SLF1: variants seen among roughly 807,000 people sequenced by gnomAD.
The protein encoded by SLF1 is SMC5-SMC6 complex localization factor protein 1.
Under a neutral mutation model 123.0 loss-of-function variants are expected in SLF1, and 105 were observed. The observed-to-expected ratio is 0.85, with a 90% CI of 0.73 to 1.00. The LOEUF (loss-of-function observed/expected upper bound fraction) is 1.00. SLF1 is among the 50% of genes least tolerant of loss of function. The probability of loss-of-function intolerance (pLI) is 0.00; values close to 1 mark genes in which losing one functional copy is unlikely to be tolerated. For synonymous variants in SLF1, 434 were observed against 406.6 expected (o/e 1.07, Z -0.81); for missense variants, 1,239 against 1,223.0 (o/e 1.01, Z -0.20).
intron 14 of SLF1, 36 bp downstream of exon 14, chr5:94,671,044 GA>G: frequency 7.4e-7 from 1 of 1,348,088 alleles, no homozygotes; most frequent in Non-Finnish European, 1.0e-6. Flanking sequence ...ATAGTCTATG[GA>G]AACAGCACTT....
At position 94,684,677 on chromosome 5, in the gene SLF1, A is replaced by G. The variant is rs1426375404; in HGVS notation, c.1976-1896A>G. Among the ~76,000 whole-genome samples the G allele has an allele frequency of 1.2e-4, 16 of 137,098 alleles. No individual in the cohort carries two copies. The Admixed American group carries it at 1.2e-3, about 10-fold the overall frequency. 89.9% of individuals were successfully genotyped at this position (137,098 alleles called of 152,430 possible). On this transcript the variant is annotated intron_variant, in intron 15 of 20. Transcript: ENST00000265140. ...CACGCCACTGCACTCCAGCCTGGGC[A>G]ATAGAGCGAGACTCTGTCTCAAAAA...
At chr5:94,684,573 C>T (rs1199373123) in intron 15 of SLF1, among the ~76,000 whole-genome samples, 8 of 151,852 alleles carry the variant, frequency 5.3e-5, no homozygotes, top group Non-Finnish European at 2.9e-5. Context: ...TGGCGAGCAC[C>T]TCTAGTCCCA....
Position 94,651,756 on chromosome 5 carries a change from C to T in SLF1, c.793C>T (p.His265Tyr). The change falls in exon 7 of 21, where the codon CAC becomes TAC. Residue 265 changes from histidine (H) to tyrosine (Y), a missense_variant. Transcript: ENST00000265140. ...TGTTGGTTCTATTTTGATTCAACATCACAAAAAAGAAAAATTCAGTGGTTC... is the reference window on the plus strand; with the variant it reads ...TGTTGGTTCTATTTTGATTCAACATTACAAAAAAGAAAAATTCAGTGGTTC... ...VNVGSILIQH[H>Y]KKEKFSGSSK... 6.6e-7 allele frequency: 1 copy of T among 1,525,994 alleles called. No individual in the cohort carries two copies. Among genetic ancestry groups the T allele is most frequent in the Non-Finnish European group, 8.8e-7 (1 of 1,135,678 alleles). The allele number at this position is 1,525,994 out of a possible 1,614,324, so 94.5% of individuals were successfully genotyped here.
At chr5:94,625,249 G>A (rs1021011382) in intron 1 of SLF1, among the ~76,000 whole-genome samples, 1 of 151,630 alleles carries the variant, frequency 6.6e-6, no homozygotes, top group African/African-American at 2.4e-5. Flanking sequence ...ACTGATAACA[G>A]TGGTTTTTGA....
intron 14 of SLF1, among the ~76,000 whole-genome samples, chr5:94,675,212 T>A (rs1750910737): frequency 6.6e-6 from 1 of 152,254 alleles, no homozygotes; most frequent in African/African-American, 2.4e-5. Flanking sequence ...TTGCCAATTT[T>A]ATAAACTAGA....
chr5:94,674,367 G>A (rs879935257), intron 14 of SLF1, among the ~76,000 whole-genome samples: 8 of 152,166 alleles, frequency 5.3e-5, no homozygotes, highest in Non-Finnish European at 1.0e-4. Context: ...AGCAACATAT[G>A]TGTGAAGCAG....
Position 94,618,743 on chromosome 5 carries a change from G to A in SLF1, c.-23G>A, listed in dbSNP as rs889470516. On this transcript the variant is annotated 5_prime_UTR_variant, in exon 1 of 21. Transcript: ENST00000265140. ...GCCCCTGCCGCCGCTGCCACCGAAG[G>A]AAGCATCCCAGACACCGGGAAGGTA... The A allele has an allele frequency of 6.5e-6, 1 of 154,852 alleles. No homozygotes were observed. Among genetic ancestry groups the A allele is most frequent in the African/African-American group, 2.4e-5 (1 of 41,524 alleles). 9.6% of individuals were successfully genotyped at this position (154,852 alleles called of 1,614,324 possible). A position where few individuals can be genotyped will look rare whatever the true frequency, so the allele number is the denominator to read the frequency against.
intron 20 of SLF1, among the ~76,000 whole-genome samples, chr5:94,693,945 C>T (rs1334204793): frequency 1.3e-5 from 2 of 151,612 alleles, no homozygotes; most frequent in African/African-American, 4.8e-5. Flanking sequence ...TGATCAGAGT[C>T]ATCATTATGA....
In SLF1 at chr5:94,692,128, G is replaced by A. The variant is rs764796136; in HGVS notation, c.2567G>A (p.Cys856Tyr). Reference protein sequence around the residue: ...HEACNYGNTVCVQEILQRCPE... With the variant: ...HEACNYGNTVYVQEILQRCPE... ...GCCTGTAACTATGGCAACACAGTGT[G>A]TGTCCAGGAAATTTTGCAACGTTGT... Residue 856 changes from cysteine to tyrosine, a missense_variant, in exon 20 of 21, where the codon TGT becomes TAT. By Grantham distance (194) the Cys-to-Tyr change is radical (BLOSUM62 -2). Coordinates refer to ENST00000265140, the MANE Select transcript of SLF1 (RefSeq NM_032290.4). 1.9e-6 allele frequency: 3 copies of A among 1,613,886 alleles called. No homozygotes were observed. In the South Asian group the frequency reaches 3.3e-5, roughly 18 times the overall value.
intron 12 of SLF1, among the ~76,000 whole-genome samples, chr5:94,669,457 T>G (rs1284474827): frequency 6.6e-6 from 1 of 151,918 alleles, no homozygotes; most frequent in East Asian, 1.9e-4. Flanking sequence ...AATCCTAGAG[T>G]TCTGAGTAAT....
At chr5:94,669,091 T>C (rs1750142965) in intron 12 of SLF1, among the ~76,000 whole-genome samples, 1 of 152,158 alleles carries the variant, frequency 6.6e-6, no homozygotes, top group Non-Finnish European at 1.5e-5. Flanking sequence ...TTCAAAATAA[T>C]GGGGTACTGT....
In SLF1 at chr5:94,640,672, A is replaced by T. The variant is rs898115882; in HGVS notation, c.432-2601A>T. On this transcript the variant is annotated intron_variant, in intron 4 of 20. Coordinates refer to ENST00000265140, the MANE Select transcript of SLF1 (RefSeq NM_032290.4). The stretch of plus-strand genomic sequence containing the variant: ...CTATTGCATGCTTTGTTCTTTTTTT[A>T]AAAAAAAATTTTTAGTTGGGATAAT... 3.0e-4 allele frequency among the ~76,000 whole-genome samples: 45 copies of T among 151,824 alleles called. 2 individuals carry two copies. The highest frequency in any genetic ancestry group is 1.2e-3 in the East Asian group (6 of 5,174).
At chr5:94,621,138 C>T (rs1791749454) in intron 1 of SLF1, among the ~76,000 whole-genome samples, 1 of 152,152 alleles carries the variant, frequency 6.6e-6, no homozygotes, top group Non-Finnish European at 1.5e-5. Context: ...ACTGTTCTTT[C>T]ACTTAATGTA....
intron 6 of SLF1, 104 bp downstream of exon 6, chr5:94,649,701 G>T: frequency 9.1e-7 from 1 of 1,099,058 alleles, no homozygotes; most frequent in Non-Finnish European, 1.2e-6. Flanking sequence ...CAGAAGGCTG[G>T]TGTTTGAACC....
chr5:94,646,071 C>T (rs531716241), intron 5 of SLF1, among the ~76,000 whole-genome samples: 8 of 152,044 alleles, frequency 5.3e-5, no homozygotes, highest in African/African-American at 1.7e-4. Context: ...AGCAACGTAG[C>T]GAGACTCCAT....
At chr5:94,669,738 A>G (rs1750225782) in intron 12 of SLF1, among the ~76,000 whole-genome samples, 1 of 152,024 alleles carries the variant, frequency 6.6e-6, no homozygotes, top group African/African-American at 2.4e-5. Flanking sequence ...TCATTTACTA[A>G]CTAATGAAAA....
upstream of SLF1, chr5:94,618,239 T>G (rs2152456939): frequency 6.6e-6 from 1 of 152,370 alleles, no homozygotes; most frequent in Middle Eastern, 3.4e-3. Context: ...GTACACGGTG[T>G]CTTCGGCCTC....
At chr5:94,647,385 G>T (rs896754653) in intron 5 of SLF1, among the ~76,000 whole-genome samples, 5 of 152,118 alleles carry the variant, frequency 3.3e-5, no homozygotes, top group Non-Finnish European at 4.4e-5. Context: ...AGACGCTTTG[G>T]CTGAATATTG....
chr5:94,671,085 A>C, intron 14 of SLF1, 77 bp downstream of exon 14: 1 of 1,044,750 alleles, frequency 9.6e-7, no homozygotes. Flanking sequence ...TCTCCTCTTT[A>C]TTCTTTGGAT....
Sources: allele counts gnomAD v4.1 joint callset (sites outside exome capture counted in the v4.1 genomes callset), GRCh38; gene constraint gnomAD v4.1.1; transcripts MANE v1.5; gene names NCBI Gene and HGNC (gene_info 2026-07-23, HGNC 2026-07-21).